PCDHGA4: variants seen among roughly 807,000 people sequenced by gnomAD.
PCDHGA4 encodes protocadherin gamma subfamily A, 4, also known as protocadherin gamma-A4.
Under a neutral mutation model 54.6 loss-of-function variants are expected in PCDHGA4, and 38 were observed. The observed-to-expected ratio is 0.70, with a 90% CI of 0.54 to 0.91. The LOEUF is 0.91. Among genes scored for constraint, PCDHGA4 ranks in the 40% least tolerant of loss-of-function variants. PCDHGA4 has a pLI of 0.00. For synonymous variants in PCDHGA4, 511 were observed against 512.9 expected, an observed-to-expected ratio of 1.00 and a Z score of 0.05; for missense variants, 1,298 against 1,220.9, an observed-to-expected ratio of 1.06 and a Z score of -0.94.
Position 141,400,678 on chromosome 5 carries a change from T to A in PCDHGA4, c.2514+43057T>A. ...ACCATTCTTTAAGAGGAGCAGTAAA[T>A]TGTGAGTTTTTATGTCGCATAAAAG... On this transcript the variant is annotated intron_variant, in intron 1 of 3. Coordinates refer to ENST00000571252, the MANE Select transcript of PCDHGA4 (RefSeq NM_018917.4). 4.5e-6 allele frequency: 4 copies of A among 882,002 alleles called. No homozygotes were observed. In the South Asian group the frequency reaches 6.9e-5, roughly 15 times the overall value. The allele number at this position is 882,002 out of a possible 1,614,324, so 54.6% of individuals were successfully genotyped here.
At chr5:141,371,919 G>A (rs765232758) in intron 1 of PCDHGA4, 2 of 1,613,372 alleles carry the variant, frequency 1.2e-6, no homozygotes, top group East Asian at 2.2e-5. Flanking sequence ...GTCCGTGAGC[G>A]CGCGGAGCGG....
intron 1 of PCDHGA4, chr5:141,403,041 A>T: frequency 6.2e-7 from 1 of 1,614,084 alleles, no homozygotes; most frequent in Non-Finnish European, 8.5e-7. Flanking sequence ...AGGGCCAGTC[A>T]GATTCGCTAC....
chr5:141,464,896 G>C (rs1166142533), intron 1 of PCDHGA4, among the ~76,000 whole-genome samples: 2 of 151,554 alleles, frequency 1.3e-5, no homozygotes, highest in African/African-American at 4.8e-5. Context: ...ATGCCACCAT[G>C]TCCAGCTAAT....
chr5:141,478,210 A>G, intron 1 of PCDHGA4: 1 of 1,614,064 alleles, frequency 6.2e-7, no homozygotes, highest in East Asian at 2.2e-5. Flanking sequence ...TTCTTTCTCT[A>G]ATCCTGGTTT....
chr5:141,374,365 G>C, intron 1 of PCDHGA4: 1 of 1,614,054 alleles, frequency 6.2e-7, no homozygotes, highest in Non-Finnish European at 8.5e-7. Flanking sequence ...ACCGCGAGGA[G>C]CTCTGTGCTC....
At chr5:141,375,385 A>G in intron 1 of PCDHGA4, 3 of 1,614,012 alleles carry the variant, frequency 1.9e-6, no homozygotes, top group East Asian at 4.5e-5. Flanking sequence ...CTCTGTCTAC[A>G]GAAACAATCA....
chr5:141,481,503 G>A (rs1006282101), intron 1 of PCDHGA4, among the ~76,000 whole-genome samples: 3 of 152,236 alleles, frequency 2.0e-5, no homozygotes, highest in African/African-American at 7.2e-5. Context: ...TGCATGGTAT[G>A]TGAATTATGT....
chr5:141,454,644 G>T (rs183290309), intron 1 of PCDHGA4, among the ~76,000 whole-genome samples: 2 of 151,892 alleles, frequency 1.3e-5, no homozygotes, highest in South Asian at 2.1e-4. Flanking sequence ...AACCTCAGGT[G>T]ATCTGCCCAC....
At chr5:141,393,259 G>GAGCACGTT (rs1561641390) in intron 1 of PCDHGA4, 2 of 1,613,874 alleles carry the variant, frequency 1.2e-6, no homozygotes, top group Non-Finnish European at 1.7e-6. Flanking sequence ...GCGGTTCCTG[G>GAGCACGTT]AGCACGTTAT....
At chr5:141,384,074 T>G in intron 1 of PCDHGA4, 1 of 1,601,488 alleles carries the variant, frequency 6.2e-7, no homozygotes, top group Non-Finnish European at 8.5e-7. Flanking sequence ...AACCTACCTT[T>G]TAAATTAGAA....
In PCDHGA4 at chr5:141,355,981, C is replaced by G; in HGVS notation, c.874C>G (p.Leu292Val). ...TGAGAACGTTCCTGTAGGCACTCGG[C>G]TACTCACCGTAAAAGCCACTGATCC... is the stretch of plus-strand genomic sequence containing the variant. ...VRENVPVGTR[L>V]LTVKATDPDE... The change falls in exon 1 of 4, where the codon CTA (leucine) becomes GTA (valine). Residue 292 changes from leucine to valine, a missense_variant. By Grantham distance (32) the Leu-to-Val change is conservative (BLOSUM62 1). Transcript: ENST00000571252. The G allele has an allele frequency of 6.2e-7, 1 of 1,613,874 alleles. No individual in the cohort carries two copies. The highest frequency in any genetic ancestry group is 8.5e-7 in the Non-Finnish European group (1 of 1,179,860).
chr5:141,471,208 C>G (rs559571022), intron 1 of PCDHGA4: 1 of 151,664 alleles, frequency 6.6e-6, no homozygotes, highest in Non-Finnish European at 1.5e-5. Context: ...CACCCCCATG[C>G]CTGGCAATTT....
chr5:141,376,721 C>T (rs938507888), intron 1 of PCDHGA4: 2 of 596,528 alleles, frequency 3.4e-6, no homozygotes, highest in Admixed American at 3.5e-5. Context: ...GCTCTGTCGC[C>T]CAGGCCGGAC....
intron 1 of PCDHGA4, chr5:141,366,547 C>T: frequency 6.2e-7 from 1 of 1,614,240 alleles, no homozygotes; most frequent in Non-Finnish European, 8.5e-7. Flanking sequence ...CCGCCTCGCA[C>T]TTTGTGGGCG....
intron 1 of PCDHGA4, among the ~76,000 whole-genome samples, chr5:141,358,322 G>A (rs1185859053): frequency 6.6e-6 from 1 of 152,192 alleles, no homozygotes; most frequent in Non-Finnish European, 1.5e-5. Context: ...TCTTTCTCAT[G>A]AAGCTATTGT....
At chr5:141,371,657 G>A in intron 1 of PCDHGA4, 1 of 1,613,988 alleles carries the variant, frequency 6.2e-7, no homozygotes, top group Non-Finnish European at 8.5e-7. Context: ...ACAATGTGAC[G>A]ATCACAGCTA....
chr5:141,390,053 C>G, intron 1 of PCDHGA4: 1 of 1,614,066 alleles, frequency 6.2e-7, no homozygotes, highest in Non-Finnish European at 8.5e-7. Context: ...CCTCCTGGAG[C>G]TGCTTCCAGC....
chr5:141,389,766 C>T (rs1217222336), intron 1 of PCDHGA4: 2 of 1,613,060 alleles, frequency 1.2e-6, no homozygotes, highest in East Asian at 4.5e-5. Context: ...GCGCACAGCG[C>T]GTGCCTTAGG....
At chr5:141,360,170 G>C (rs72790010) in intron 1 of PCDHGA4, 42,447 of 1,607,730 alleles carry the variant, frequency 0.026, 720 homozygotes, top group East Asian at 0.041. Context: ...GGGCTGGTGC[G>C]GTGGCTGCAG....
Sources: allele counts gnomAD v4.1 joint callset (sites outside exome capture counted in the v4.1 genomes callset), GRCh38; gene constraint gnomAD v4.1.1; transcripts MANE v1.5; gene names NCBI Gene and HGNC (gene_info 2026-07-23, HGNC 2026-07-21).